Variants in SHISA9 observed in about 807,000 individuals in gnomAD.
The protein encoded by SHISA9 is protein shisa-9.
Under a neutral mutation model 38.0 loss-of-function variants are expected in SHISA9, and 13 were observed. The observed-to-expected ratio is 0.34, with a 90% CI of 0.22 to 0.54. SHISA9 has a LOEUF of 0.54. Ranked by LOEUF, SHISA9 falls within the 20% of genes least tolerant of loss-of-function variation. The pLI is 0.91. For synonymous variants in SHISA9, 275 were observed against 242.0 expected, an observed-to-expected ratio of 1.14 and a Z score of -1.27; for missense variants, 538 against 575.8, an observed-to-expected ratio of 0.93 and a Z score of 0.67.
chr16:12,982,663 G>A (rs774784309), intron 2 of SHISA9, among the ~76,000 whole-genome samples: 27 of 152,246 alleles, frequency 1.8e-4, no homozygotes, highest in Non-Finnish European at 3.7e-4. Context: ...TCACTTGCTA[G>A]GCTAGACCAG....
the SHISA9 span, among the ~76,000 whole-genome samples, chr16:13,555,914 T>G: frequency 6.6e-6 from 1 of 152,246 alleles, no homozygotes; most frequent in Non-Finnish European, 1.5e-5. Context: ...TTCCTCACTC[T>G]GCTACTCAGA....
chr16:13,124,403 C>A (rs1162639077), intron 2 of SHISA9, among the ~76,000 whole-genome samples: 1 of 152,194 alleles, frequency 6.6e-6, no homozygotes, highest in Non-Finnish European at 1.5e-5. Context: ...GGGATGGTGT[C>A]AGTTCCCCAA....
intron 2 of SHISA9, among the ~76,000 whole-genome samples, chr16:13,007,411 T>G (rs996819138): frequency 7.2e-5 from 11 of 152,108 alleles, no homozygotes; most frequent in Non-Finnish European, 1.3e-4. Context: ...TACAGCCTCC[T>G]TTTCCCCACC....
chr16:13,042,690 G>A (rs1021853472), intron 2 of SHISA9, among the ~76,000 whole-genome samples: 1 of 152,132 alleles, frequency 6.6e-6, no homozygotes, highest in African/African-American at 2.4e-5. Context: ...GGAAATGATT[G>A]CCCTAATTAA....
At chr16:13,338,701 G>T in the SHISA9 span, among the ~76,000 whole-genome samples, 7 of 152,146 alleles carry the variant, frequency 4.6e-5, no homozygotes, top group Non-Finnish European at 8.8e-5. Flanking sequence ...CATGTTTTCT[G>T]GAGTTCTAAT....
intron 2 of SHISA9, among the ~76,000 whole-genome samples, chr16:13,199,318 C>G (rs899960658): frequency 5.3e-5 from 8 of 152,162 alleles, no homozygotes; most frequent in African/African-American, 1.9e-4. Context: ...TCCTTGGGCA[C>G]GCTCTATGCA....
chr16:12,998,646 C>T (rs928193865), intron 2 of SHISA9, among the ~76,000 whole-genome samples: 9 of 152,286 alleles, frequency 5.9e-5, no homozygotes, highest in Admixed American at 2.6e-4. Flanking sequence ...CCTCCCACCT[C>T]GGTCTTCCTG....
intron 1 of SHISA9, among the ~76,000 whole-genome samples, chr16:12,906,542 T>C (rs1294550187): frequency 3.3e-5 from 5 of 152,220 alleles, no homozygotes; most frequent in African/African-American, 1.2e-4. Flanking sequence ...AGTCAGTCAC[T>C]ATTTATTAGA....
At chr16:13,384,840 A>G in the SHISA9 span, among the ~76,000 whole-genome samples, 798 of 152,336 alleles carry the variant, frequency 5.2e-3, 5 homozygotes, top group African/African-American at 0.019. Context: ...CATCCAAATT[A>G]AAAATGTCTT....
At chr16:12,902,747 G>T (rs771248696) in intron 1 of SHISA9, 120 bp downstream of exon 1, 9 of 1,087,348 alleles carry the variant, frequency 8.3e-6, no homozygotes, top group East Asian at 2.6e-5. Context: ...CAGCCTCTCC[G>T]CTGGGGGATG....
chr16:13,373,071 A>ACTAACTAC, the SHISA9 span, among the ~76,000 whole-genome samples: 1 of 152,106 alleles, frequency 6.6e-6, no homozygotes, highest in African/African-American at 2.4e-5. Flanking sequence ...TATCCCGACT[A>ACTAACTAC]CTAACTACTG....
At chr16:13,009,632 G>C (rs1441739340) in intron 2 of SHISA9, among the ~76,000 whole-genome samples, 1 of 152,130 alleles carries the variant, frequency 6.6e-6, no homozygotes, top group Non-Finnish European at 1.5e-5. Context: ...TTTGTAATCA[G>C]AGTTTGCAAG....
chr16:13,038,733 C>T (rs961870760), intron 2 of SHISA9, among the ~76,000 whole-genome samples: 2 of 152,244 alleles, frequency 1.3e-5, no homozygotes, highest in South Asian at 2.1e-4. Context: ...CCAGTGTGAT[C>T]GTTTGTTAAT....
At chr16:13,409,650 C>A in the SHISA9 span, among the ~76,000 whole-genome samples, 1 of 152,212 alleles carries the variant, frequency 6.6e-6, no homozygotes, top group Non-Finnish European at 1.5e-5. Context: ...ATCACATAAA[C>A]TTATCTCACC....
intron 2 of SHISA9, among the ~76,000 whole-genome samples, chr16:13,117,850 T>C (rs2074045768): frequency 6.6e-6 from 1 of 152,092 alleles, no homozygotes; most frequent in Non-Finnish European, 1.5e-5. Flanking sequence ...TGCGGGAGCC[T>C]TTTGCATATT....
intron 2 of SHISA9, among the ~76,000 whole-genome samples, chr16:12,917,079 G>C (rs138530369): frequency 6.6e-6 from 1 of 152,296 alleles, no homozygotes; most frequent in East Asian, 1.9e-4. Context: ...GGTTCATCTT[G>C]ATTGATTTAT....
chr16:13,373,760 CAAA>C, the SHISA9 span, among the ~76,000 whole-genome samples: 489 of 119,148 alleles, frequency 4.1e-3, 5 homozygotes, highest in African/African-American at 0.012. Context: ...GACTCCGTCT[CAAA>C]AAAAAAAAAA....
At chr16:13,282,544 T>A in the SHISA9 span, among the ~76,000 whole-genome samples, 2 of 152,208 alleles carry the variant, frequency 1.3e-5, no homozygotes, top group Admixed American at 1.3e-4. Flanking sequence ...TTTTGTGAAA[T>A]GTTTAGCTAT....
At chr16:13,509,405 C>A in the SHISA9 span, among the ~76,000 whole-genome samples, 1 of 152,158 alleles carries the variant, frequency 6.6e-6, no homozygotes, top group African/African-American at 2.4e-5. Flanking sequence ...TTTCCCAGCC[C>A]TTACTAGATG....
Sources: gnomAD v4.1 joint callset for allele counts (sites outside exome capture counted in the v4.1 genomes callset) on GRCh38, gnomAD v4.1.1 for gene constraint, MANE v1.5 for transcripts, NCBI Gene and HGNC (gene_info 2026-07-23, HGNC 2026-07-21) for gene names.